SVIL: variants seen among roughly 807,000 people sequenced by gnomAD.
SVIL encodes archvillin.
Under a neutral mutation model 240.4 loss-of-function variants are expected in SVIL, and 101 were observed. The ratio of observed to expected loss-of-function variants is 0.42; its 90% CI spans 0.36 to 0.50. The LOEUF is 0.50. Ranked by LOEUF, SVIL falls within the 20% of genes least tolerant of loss-of-function variation. The probability of loss-of-function intolerance (pLI) is 0.01; values close to 1 mark genes in which losing one functional copy is unlikely to be tolerated. For synonymous variants in SVIL, 999 were observed against 1,100.0 expected (o/e 0.91, Z 1.82); for missense variants, 2,512 against 2,818.7 (o/e 0.89, Z 2.46).
intron 16 of SVIL, among the ~76,000 whole-genome samples, chr10:29,520,752 A>T (rs1324379825): frequency 6.6e-6 from 1 of 151,914 alleles, no homozygotes; most frequent in Non-Finnish European, 1.5e-5. Context: ...TCTACAAAAA[A>T]TCTTTTTGAA....
intron 36 of SVIL, 144 bp downstream of exon 36, chr10:29,462,133 T>G (rs1944328450): frequency 1.8e-6 from 2 of 1,095,168 alleles, no homozygotes; most frequent in East Asian, 2.5e-5. Flanking sequence ...CTAAGCAAAT[T>G]CTATGTAGGT....
rs1290468076 is a variant in SVIL at position 29,523,955 on chromosome 10, C to A, written c.2659G>T (p.Ala887Ser). 2 of 1,614,058 alleles carry A rather than the reference C, an allele frequency of 1.2e-6. No homozygotes were observed. The highest frequency in any genetic ancestry group is 1.7e-6 in the Non-Finnish European group (2 of 1,180,048). Residue 887 changes from alanine to serine, a missense_variant, in exon 15 of 38, where the codon GCT (alanine) becomes TCT (serine). Physicochemically the swap from Ala to Ser is moderately conservative, Grantham distance 99. Transcript: ENST00000355867. ...TSVSTVASTV[A>S]PMYAGDLRTK... ...CGAAGATCTCCGGCATACATTGGAG[C>A]AACCGTGGATGCTACGGTAGACACT...
rs1951231961 is a variant in SVIL at position 29,529,891 on chromosome 10, C to T, written c.2107-47G>A. On this transcript the variant is annotated intron_variant, in intron 11 of 37. Coordinates refer to ENST00000355867, the MANE Select transcript of SVIL (RefSeq NM_021738.3). The stretch of plus-strand genomic sequence containing the variant: ...AACCCTTATAAATTCAAGGAAAGAG[C>T]TGGGCACGGTGGCTCACGCCTGTAA... The T allele has an allele frequency of 1.9e-6, 3 of 1,554,432 alleles. No homozygotes were observed. The African/African-American group carries it at 4.1e-5, about 21-fold the overall frequency.
chr10:29,690,138 A>G (rs1252094655), intron 1 of SVIL, among the ~76,000 whole-genome samples: 2 of 152,222 alleles, frequency 1.3e-5, no homozygotes, highest in African/African-American at 4.8e-5. Flanking sequence ...ATTGTGATAT[A>G]AAAAGTACCA....
chr10:29,681,444 C>CGTGT (rs1960645248), intron 2 of SVIL, among the ~76,000 whole-genome samples: 14 of 103,004 alleles, frequency 1.4e-4, no homozygotes, highest in Middle Eastern at 5.5e-3. Flanking sequence ...TGTGTGTGTA[C>CGTGT]GTGTGTTGAG....
At chr10:29,470,811 T>G (rs1050866507) in intron 31 of SVIL, among the ~76,000 whole-genome samples, 1 of 152,070 alleles carries the variant, frequency 6.6e-6, no homozygotes, top group Non-Finnish European at 1.5e-5. Flanking sequence ...AAGATTTTTT[T>G]GGGGGGTGGG....
intron 2 of SVIL, among the ~76,000 whole-genome samples, chr10:29,676,047 C>A (rs1198550467): frequency 2.0e-5 from 3 of 152,136 alleles, no homozygotes; most frequent in Non-Finnish European, 1.5e-5. Flanking sequence ...AACTACTGAC[C>A]CCCTGCTTCC....
At chr10:29,538,969 C>T (rs1463083427) in intron 6 of SVIL, among the ~76,000 whole-genome samples, 1 of 152,008 alleles carries the variant, frequency 6.6e-6, no homozygotes, top group Non-Finnish European at 1.5e-5. Context: ...TTCGAGCCAG[C>T]CTGAGCAACA....
chr10:29,571,477 C>A (rs761462008), intron 1 of SVIL, among the ~76,000 whole-genome samples: 6 of 152,200 alleles, frequency 3.9e-5, no homozygotes, highest in Non-Finnish European at 8.8e-5. Flanking sequence ...TTGAGTATTT[C>A]CAGGCTGCTG....
At chr10:29,481,133 G>GGTGT (rs57479630) in intron 28 of SVIL, among the ~76,000 whole-genome samples, 12,168 of 141,258 alleles carry the variant, frequency 0.086, 512 homozygotes, top group Admixed American at 0.12. Flanking sequence ...TAGCTTTAAG[G>GGTGT]GTGTGTGTGT....
chr10:29,689,575 C>G (rs143064539), intron 1 of SVIL, among the ~76,000 whole-genome samples: 1 of 152,230 alleles, frequency 6.6e-6, no homozygotes, highest in African/African-American at 2.4e-5. Flanking sequence ...CGAGCCACCG[C>G]GCCCAGCCGA....
intron 7 of SVIL, among the ~76,000 whole-genome samples, chr10:29,534,691 T>C (rs1951617974): frequency 6.6e-6 from 1 of 152,218 alleles, no homozygotes; most frequent in Non-Finnish European, 1.5e-5. Flanking sequence ...CCTGGCTCAG[T>C]CAGGTTGAGC....
In SVIL at chr10:29,526,968, G is replaced by A. The variant is rs1345660975; in HGVS notation, c.2335C>T (p.Pro779Ser). Residue 779 changes from proline to serine, a missense_variant, in exon 13 of 38, where the codon CCT becomes TCT. Physicochemically the swap from Pro to Ser is moderately conservative, Grantham distance 74. This residue lies in a region of SVIL where 1,443 missense variants were observed against 1,486.6 expected (regional missense o/e 0.97). Transcript: ENST00000355867. Reference sequence around the variant, plus strand: ...TCTGTATCTGTCCAGTACCTGGCAGGCTGCACAGCGCTCCTAGCTACAGTG... The same window carrying A: ...TCTGTATCTGTCCAGTACCTGGCAGACTGCACAGCGCTCCTAGCTACAGTG... ...SPTVARSAVQ[P>S]ARLQASAHQK... is the part of the protein sequence containing the mutation. The A allele has an allele frequency of 1.3e-6, 2 of 1,599,974 alleles. No homozygotes were observed. Among genetic ancestry groups the A allele is most frequent in the South Asian group, 2.3e-5 (2 of 88,540 alleles).
At chr10:29,561,311 G>A (rs1954449664) in intron 3 of SVIL, among the ~76,000 whole-genome samples, 1 of 152,024 alleles carries the variant, frequency 6.6e-6, no homozygotes. Flanking sequence ...TACAGATGAA[G>A]TTACCATTTG....
chr10:29,582,584 T>C (rs1420229451), intron 1 of SVIL, among the ~76,000 whole-genome samples: 2 of 151,742 alleles, frequency 1.3e-5, no homozygotes, highest in Admixed American at 1.3e-4. Context: ...CCAAAAACAT[T>C]TTAAAATTAG....
chr10:29,505,105 C>T (rs1054757786), intron 17 of SVIL, among the ~76,000 whole-genome samples: 42 of 152,290 alleles, frequency 2.8e-4, no homozygotes, highest in African/African-American at 8.4e-4. Flanking sequence ...GGCGGATCAC[C>T]TGAGGTTAGG....
chr10:29,525,173 G>T (rs919168483), intron 13 of SVIL, among the ~76,000 whole-genome samples: 8 of 152,142 alleles, frequency 5.3e-5, no homozygotes, highest in African/African-American at 1.9e-4. Flanking sequence ...ATAACAGAAG[G>T]TCTTGATTTT....
At chr10:29,559,447 T>C (rs889745789) in intron 3 of SVIL, among the ~76,000 whole-genome samples, 4 of 152,182 alleles carry the variant, frequency 2.6e-5, no homozygotes, top group African/African-American at 9.7e-5. Context: ...GTGTATTTCT[T>C]AACAAAAAAG....
chr10:29,629,563 G>A (rs1958005282), intron 1 of SVIL, among the ~76,000 whole-genome samples: 1 of 152,128 alleles, frequency 6.6e-6, no homozygotes, highest in African/African-American at 2.4e-5. Flanking sequence ...CTAGATCTGG[G>A]TTCAAATCCA....
Sources: gnomAD v4.1 joint callset for allele counts (sites outside exome capture counted in the v4.1 genomes callset) on GRCh38, gnomAD v4.1.1 for gene constraint, gnomAD v4.1.1 regional missense constraint, MANE v1.5 for transcripts, NCBI Gene and HGNC (gene_info 2026-07-23, HGNC 2026-07-21) for gene names.